Variants in IFTAP observed in about 807,000 individuals in gnomAD.
IFTAP encodes the protein intraflagellar transport associated protein.
In IFTAP, 19 loss-of-function variants were observed where a neutral mutation model predicts 19.4. That is an observed-to-expected ratio of 0.98 (90% CI 0.68 to 1.44). The LOEUF is 1.44. Ranked by LOEUF, IFTAP falls within the 40% of genes most tolerant of loss-of-function variation. The probability of loss-of-function intolerance (pLI) is 0.00; values close to 1 mark genes in which losing one functional copy is unlikely to be tolerated. For missense variants in IFTAP, 240 were observed against 253.6 expected, an observed-to-expected ratio of 0.95 and a Z score of 0.36; for synonymous variants, 85 against 83.5, an observed-to-expected ratio of 1.02 and a Z score of -0.10.
intron 5 of IFTAP, among the ~76,000 whole-genome samples, chr11:36,648,827 G>A (rs1853595820): frequency 1.3e-5 from 2 of 152,056 alleles, no homozygotes; most frequent in Non-Finnish European, 2.9e-5. Context: ...ACATTCCATT[G>A]GTGACCACTT....
intron 5 of IFTAP, among the ~76,000 whole-genome samples, chr11:36,652,639 A>C (rs1853791674): frequency 1.3e-5 from 2 of 152,158 alleles, no homozygotes; most frequent in Admixed American, 1.3e-4. Flanking sequence ...CCAGTTTTCA[A>C]AGGGAACGCT....
intron 1 of IFTAP, among the ~76,000 whole-genome samples, chr11:36,599,695 T>C (rs1401945062): frequency 6.6e-6 from 1 of 152,242 alleles, no homozygotes; most frequent in Non-Finnish European, 1.5e-5. Context: ...TTCTCATCAT[T>C]TGAAATGTCG....
intron 2 of IFTAP, among the ~76,000 whole-genome samples, chr11:36,618,479 C>G (rs1009241617): frequency 6.6e-6 from 1 of 152,062 alleles, no homozygotes; most frequent in African/African-American, 2.4e-5. Context: ...CAGCTCCATA[C>G]AGCTGGTGTC....
chr11:36,617,176 T>C (rs1852122930), intron 2 of IFTAP, among the ~76,000 whole-genome samples: 1 of 149,474 alleles, frequency 6.7e-6, no homozygotes, highest in Admixed American at 6.7e-5. Context: ...ATGATATTAC[T>C]TTTTATTTGT....
At chr11:36,647,259 A>C (rs897619247) in intron 4 of IFTAP, among the ~76,000 whole-genome samples, 11 of 152,106 alleles carry the variant, frequency 7.2e-5, no homozygotes, top group African/African-American at 2.4e-4. Flanking sequence ...CTATGAAAAC[A>C]GGCTGAGGAG....
At chr11:36,595,438 TG>T (rs1329965579) in intron 1 of IFTAP, among the ~76,000 whole-genome samples, 1 of 152,252 alleles carries the variant, frequency 6.6e-6, no homozygotes, top group Non-Finnish European at 1.5e-5. Flanking sequence ...TGCAGTGTGA[TG>T]TCCTGTGCAC....
chr11:36,649,766 A>T (rs1422381597), intron 5 of IFTAP, among the ~76,000 whole-genome samples: 1 of 152,200 alleles, frequency 6.6e-6, no homozygotes, highest in African/African-American at 2.4e-5. Context: ...TACAAGCCAC[A>T]GATGAACAAC....
intron 1 of IFTAP, among the ~76,000 whole-genome samples, chr11:36,596,158 C>A (rs1851221168): frequency 6.7e-6 from 1 of 148,250 alleles, no homozygotes; most frequent in African/African-American, 2.5e-5. Context: ...ATTCCTCCTG[C>A]AAAGATTCCT....
chr11:36,596,676 G>T (rs1268454328), intron 1 of IFTAP, among the ~76,000 whole-genome samples: 1 of 152,184 alleles, frequency 6.6e-6, no homozygotes, highest in Admixed American at 6.5e-5. Flanking sequence ...CAAAGCCAAG[G>T]CCTGCTTGTT....
chr11:36,599,588 A>G (rs868449879), intron 1 of IFTAP, among the ~76,000 whole-genome samples: 2 of 152,176 alleles, frequency 1.3e-5, no homozygotes, highest in Non-Finnish European at 2.9e-5. Flanking sequence ...ACCTAAATAT[A>G]TTTGCATAAG....
intron 5 of IFTAP, among the ~76,000 whole-genome samples, chr11:36,649,512 C>G (rs1853620249): frequency 6.6e-6 from 1 of 151,978 alleles, no homozygotes; most frequent in Non-Finnish European, 1.5e-5. Flanking sequence ...GACATGGCAC[C>G]TAGTACTTTT....
intron 2 of IFTAP, among the ~76,000 whole-genome samples, chr11:36,612,423 T>G (rs997905280): frequency 8.6e-5 from 13 of 152,042 alleles, no homozygotes; most frequent in Admixed American, 8.5e-4. Flanking sequence ...CTTTAAACAT[T>G]TAAATACCTT....
chr11:36,609,481 G>A (rs1851799672), intron 1 of IFTAP, among the ~76,000 whole-genome samples: 1 of 152,148 alleles, frequency 6.6e-6, no homozygotes, highest in Admixed American at 6.6e-5. Flanking sequence ...CCCTGGATGT[G>A]TTGATGCAAA....
intron 1 of IFTAP, among the ~76,000 whole-genome samples, chr11:36,605,287 C>CA (rs1851653686): frequency 6.8e-6 from 1 of 147,478 alleles, no homozygotes; most frequent in African/African-American, 2.6e-5. Flanking sequence ...CCTGCCCCCC[C>CA]ACTTTTTTTT....
At chr11:36,604,694 T>C (rs937989105) in intron 1 of IFTAP, among the ~76,000 whole-genome samples, 5 of 152,104 alleles carry the variant, frequency 3.3e-5, no homozygotes, top group African/African-American at 4.8e-5. Context: ...TCAGATACAC[T>C]TTAAAGTTCA....
chr11:36,635,070 C>T (rs1565022551), intron 3 of IFTAP, among the ~76,000 whole-genome samples: 1 of 152,070 alleles, frequency 6.6e-6, no homozygotes, highest in Non-Finnish European at 1.5e-5. Flanking sequence ...CAGGTATGTA[C>T]TTAAAAGCAA....
rs190921044 is a variant in IFTAP, at chr11:36,640,527, T to C, written c.358+4410T>C. 2.5e-3 allele frequency among the ~76,000 whole-genome samples: 375 copies of C among 152,344 alleles called. 1 individual carries two copies. The highest frequency in any genetic ancestry group is 4.0e-3 in the Non-Finnish European group (269 of 68,036). ...TGATTGAGTGGTGTGCTGAACTGGT[T>C]TATTTTTCTCTTTCATGAATCACCA... On this transcript the variant is annotated intron_variant, in intron 4 of 5. Coordinates refer to ENST00000334307, the MANE Select transcript of IFTAP (RefSeq NM_138787.4).
chr11:36,643,978 A>G (rs1332855273), intron 4 of IFTAP, among the ~76,000 whole-genome samples: 1 of 152,236 alleles, frequency 6.6e-6, no homozygotes, highest in Non-Finnish European at 1.5e-5. Context: ...CAATGGCAAC[A>G]AAAGCCAAAA....
At chr11:36,622,467 A>C (rs1852336020) in intron 2 of IFTAP, among the ~76,000 whole-genome samples, 1 of 152,204 alleles carries the variant, frequency 6.6e-6, no homozygotes, top group African/African-American at 2.4e-5. Context: ...TTGCTTTTAT[A>C]GTTCTCATTT....
Sources: allele counts gnomAD v4.1 joint callset (sites outside exome capture counted in the v4.1 genomes callset), GRCh38; gene constraint gnomAD v4.1.1; transcripts MANE v1.5; gene names NCBI Gene and HGNC (gene_info 2026-07-23, HGNC 2026-07-21).